The following RPRD1B variants were observed in gnomAD, a reference collection of about 807,000 sequenced individuals.
The protein encoded by RPRD1B is regulation of nuclear pre-mRNA domain containing 1B.
Under a neutral mutation model 41.5 loss-of-function variants are expected in RPRD1B, and 11 were observed. The ratio of observed to expected loss-of-function variants is 0.27; its 90% CI spans 0.17 to 0.44. RPRD1B has a LOEUF of 0.44. Among genes scored for constraint, RPRD1B ranks in the 20% least tolerant of loss-of-function variants. The pLI is 1.00. For synonymous variants in RPRD1B, 158 were observed against 155.6 expected, an observed-to-expected ratio of 1.02 and a Z score of -0.12; for missense variants, 248 against 389.9, an observed-to-expected ratio of 0.64 and a Z score of 3.06.
chr20:38,063,719 A>C (rs1339917902), intron 5 of RPRD1B, among the ~76,000 whole-genome samples: 1 of 152,142 alleles, frequency 6.6e-6, no homozygotes, highest in Non-Finnish European at 1.5e-5. Context: ...GAAACGAGGG[A>C]ATGGGATGCG....
intron 6 of RPRD1B, among the ~76,000 whole-genome samples, chr20:38,080,174 T>G (rs1051659283): frequency 6.6e-6 from 1 of 152,248 alleles, no homozygotes; most frequent in Non-Finnish European, 1.5e-5. Context: ...GTTGTCTTTT[T>G]GCTCTGTTGA....
At chr20:38,077,502 T>G (rs1000828465) in intron 6 of RPRD1B, among the ~76,000 whole-genome samples, 5 of 152,054 alleles carry the variant, frequency 3.3e-5, no homozygotes, top group African/African-American at 1.2e-4. Context: ...AGCTCCCAAA[T>G]CTGTTGCTTT....
At chr20:38,054,281 A>G (rs2074218275) in intron 3 of RPRD1B, among the ~76,000 whole-genome samples, 1 of 152,190 alleles carries the variant, frequency 6.6e-6, no homozygotes. Context: ...TTAGTAATTC[A>G]TGTCCAGAAA....
chr20:38,036,424 A>G (rs930039469), intron 1 of RPRD1B, among the ~76,000 whole-genome samples: 4 of 152,186 alleles, frequency 2.6e-5, no homozygotes, highest in African/African-American at 9.7e-5. Context: ...AGAATTAATG[A>G]GTGCCTCCCA....
chr20:38,035,079 C>CG (rs980233652), intron 1 of RPRD1B, among the ~76,000 whole-genome samples: 2 of 152,200 alleles, frequency 1.3e-5, no homozygotes, highest in African/African-American at 2.4e-5. Context: ...AACTGAGACT[C>CG]ATCTCGTGGT....
At chr20:38,062,732 A>G (rs576790669) in intron 5 of RPRD1B, among the ~76,000 whole-genome samples, 2 of 151,496 alleles carry the variant, frequency 1.3e-5, no homozygotes, top group African/African-American at 4.8e-5. Context: ...GTCTCAACAT[A>G]GTAACCAGAG....
At chr20:38,070,765 ACTCTTG>A in intron 6 of RPRD1B, 4 of 819,188 alleles carry the variant, frequency 4.9e-6, no homozygotes, top group Non-Finnish European at 5.7e-6. Flanking sequence ...TTTGAGACAG[ACTCTTG>A]CTCTGTTGCC....
chr20:38,084,268 C>A (rs1264095716), intron 6 of RPRD1B, among the ~76,000 whole-genome samples: 1 of 152,014 alleles, frequency 6.6e-6, no homozygotes, highest in East Asian at 1.9e-4. Flanking sequence ...AAAAGAGGGG[C>A]CTTCGTAAAC....
intron 3 of RPRD1B, among the ~76,000 whole-genome samples, chr20:38,049,491 T>C (rs2074160463): frequency 6.8e-6 from 1 of 146,410 alleles, no homozygotes; most frequent in Non-Finnish European, 1.5e-5. Flanking sequence ...TGCCTCAGCC[T>C]CCCGAGTAGC....
In RPRD1B at chr20:38,072,904, A is replaced by G. The variant is rs147909055; in HGVS notation, c.831+6648A>G. Among the ~76,000 whole-genome samples, 151 of 152,348 alleles carry G rather than the reference A, an allele frequency of 9.9e-4. 1 individual carries two copies. Among genetic ancestry groups the G allele is most frequent in the African/African-American group, 3.6e-3 (148 of 41,578 alleles). On this transcript the variant is annotated intron_variant, in intron 6 of 6. Coordinates refer to ENST00000373433, the MANE Select transcript of RPRD1B (RefSeq NM_021215.4). ...GCAGCTTTACAAAGTAAAGTGACAC[A>G]TAGAGGCCTGGATATCTAAGTAAAG...
intron 3 of RPRD1B, among the ~76,000 whole-genome samples, chr20:38,054,924 A>G (rs1188080139): frequency 6.6e-6 from 1 of 152,208 alleles, no homozygotes; most frequent in Non-Finnish European, 1.5e-5. Context: ...CACATTAATT[A>G]GGCAGCTACT....
At chr20:38,063,954 T>G (rs540997920) in intron 5 of RPRD1B, among the ~76,000 whole-genome samples, 1 of 152,396 alleles carries the variant, frequency 6.6e-6, no homozygotes, top group South Asian at 2.1e-4. Flanking sequence ...TTCTTGAGGC[T>G]GCAAATTGAT....
chr20:38,090,728 C>G lies in RPRD1B; in HGVS notation c.*853C>G, dbSNP rs1600451029. 1.0e-6 allele frequency: 1 copy of G among 985,396 alleles called. No individual in the cohort carries two copies. Among genetic ancestry groups the G allele is most frequent in the South Asian group, 4.7e-5 (1 of 21,294 alleles). The allele number at this position is 985,396 out of a possible 1,614,324, so 61.0% of individuals were successfully genotyped here. On this transcript the variant is annotated 3_prime_UTR_variant, in exon 7 of 7. Coordinates refer to ENST00000373433, the MANE Select transcript of RPRD1B (RefSeq NM_021215.4). ...GGTGGGCTCCAAAAGATGAAGGCCC[C>G]ACACACAGGTGTGCTGCATTTGGGA...
chr20:38,078,212 C>A (rs1053847968), intron 6 of RPRD1B, among the ~76,000 whole-genome samples: 1 of 151,726 alleles, frequency 6.6e-6, no homozygotes, highest in Non-Finnish European at 1.5e-5. Context: ...GGCCTGGCCC[C>A]CTCCTGTGCC....
At position 38,048,480 on chromosome 20, in the gene RPRD1B, A is replaced by G. The variant is rs1228395692; in HGVS notation, c.414A>G (p.Lys138=). ...AGGACTCCAAGAGCCCTCCCCCCAA[A>G]GGTAGAAACATCACCACATGTTTAC... ...SMEDSKSPPP[K]ATEEKKSLKR... Residue 138 remains lysine (K), a splice_region_variant and synonymous_variant, in exon 3 of 7, where the codon AAA becomes AAG. Coordinates refer to ENST00000373433, the MANE Select transcript of RPRD1B (RefSeq NM_021215.4). 1 of 1,600,712 alleles carries G rather than the reference A, an allele frequency of 6.2e-7. No homozygotes were observed.
intron 2 of RPRD1B, among the ~76,000 whole-genome samples, chr20:38,043,848 A>G (rs1257021726): frequency 6.6e-6 from 1 of 152,228 alleles, no homozygotes; most frequent in Admixed American, 6.5e-5. Flanking sequence ...GGAGGAAATC[A>G]CGAGTTTTGT....
intron 6 of RPRD1B, among the ~76,000 whole-genome samples, chr20:38,069,563 A>C (rs2074391229): frequency 6.6e-6 from 1 of 152,194 alleles, no homozygotes; most frequent in Non-Finnish European, 1.5e-5. Context: ...GTGGGAGATT[A>C]AGGTCTGTGC....
chr20:38,034,247 CGAA>C, intron 1 of RPRD1B, 149 bp downstream of exon 1: 1 of 925,794 alleles, frequency 1.1e-6, no homozygotes, highest in Non-Finnish European at 1.6e-6. Flanking sequence ...CCCCATTTCT[CGAA>C]GAAGGAAACT....
intron 6 of RPRD1B, among the ~76,000 whole-genome samples, chr20:38,085,017 G>T (rs1314189405): frequency 1.3e-5 from 2 of 152,346 alleles, no homozygotes; most frequent in East Asian, 3.9e-4. Flanking sequence ...GTTTGCCGCA[G>T]TAGGTACTTG....
Sources: gnomAD v4.1 joint callset for allele counts (sites outside exome capture counted in the v4.1 genomes callset) on GRCh38, gnomAD v4.1.1 for gene constraint, MANE v1.5 for transcripts, NCBI Gene and HGNC (gene_info 2026-07-23, HGNC 2026-07-21) for gene names.